Variants in LYPD6 observed in about 807,000 individuals in gnomAD.
LYPD6 encodes ly6/PLAUR domain-containing protein 6.
A neutral mutation model predicts 22.7 loss-of-function variants in LYPD6; 15 were observed. The ratio of observed to expected loss-of-function variants is 0.66; its 90% CI spans 0.44 to 1.02. LYPD6 has a LOEUF of 1.02. LYPD6 is among the 50% of genes least tolerant of loss of function. The pLI, the probability that LYPD6 is intolerant of heterozygous loss-of-function variation, is 0.00. For missense variants in LYPD6, 189 were observed against 208.4 expected (o/e 0.91, Z 0.57); for synonymous variants, 72 against 77.5 (o/e 0.93, Z 0.37).
chr2:149,362,184 G>A (rs1681583231), intron 1 of LYPD6, among the ~76,000 whole-genome samples: 1 of 152,126 alleles, frequency 6.6e-6, no homozygotes, highest in African/African-American at 2.4e-5. Context: ...GTGGTAATTT[G>A]TTACAGCAGC....
chr2:149,341,190 C>T (rs1405573), intron 1 of LYPD6, among the ~76,000 whole-genome samples: 46,623 of 151,858 alleles, frequency 0.31, 7,371 homozygotes, highest in Middle Eastern at 0.4. Context: ...AAGAACTACC[C>T]GAGTGAATTC....
the LYPD6 span, among the ~76,000 whole-genome samples, chr2:149,481,822 T>C: frequency 2.0e-5 from 3 of 152,258 alleles, no homozygotes; most frequent in Non-Finnish European, 4.4e-5. Flanking sequence ...AAAAAAATTT[T>C]CCAATTTTAT....
intron 1 of LYPD6, among the ~76,000 whole-genome samples, chr2:149,423,069 T>C (rs1683114512): frequency 1.3e-5 from 2 of 152,144 alleles, no homozygotes; most frequent in South Asian, 4.1e-4. Flanking sequence ...GATCCTGAGC[T>C]GGGTTGGCAG....
chr2:149,480,564 CTG>C, the LYPD6 span, among the ~76,000 whole-genome samples: 4 of 152,238 alleles, frequency 2.6e-5, no homozygotes, highest in East Asian at 5.8e-4. Flanking sequence ...GTTTGTCTTC[CTG>C]TGTGTGGGGG....
intron 1 of LYPD6, among the ~76,000 whole-genome samples, chr2:149,377,492 G>A (rs545382114): frequency 1.2e-4 from 18 of 152,118 alleles, no homozygotes; most frequent in Non-Finnish European, 2.4e-4. Context: ...GCATAAAAAA[G>A]CAAAGTGGCT....
At chr2:149,435,590 C>G (rs1000001449) in intron 1 of LYPD6, among the ~76,000 whole-genome samples, 1 of 152,182 alleles carries the variant, frequency 6.6e-6, no homozygotes, top group Non-Finnish European at 1.5e-5. Flanking sequence ...CTGTTGAATT[C>G]ATTCAAGATG....
intron 1 of LYPD6, among the ~76,000 whole-genome samples, chr2:149,417,434 C>T (rs1343054977): frequency 1.3e-5 from 2 of 152,132 alleles, no homozygotes; most frequent in African/African-American, 4.8e-5. Context: ...AAGAAACAGT[C>T]AGACCAGCAA....
chr2:149,456,553 T>C (rs1680962944), intron 3 of LYPD6, among the ~76,000 whole-genome samples: 1 of 152,182 alleles, frequency 6.6e-6, no homozygotes, highest in South Asian at 2.1e-4. Flanking sequence ...AAATAGTTTT[T>C]AGAGAGGTAA....
chr2:149,436,882 A>G (rs528669437), intron 1 of LYPD6, among the ~76,000 whole-genome samples: 1 of 151,998 alleles, frequency 6.6e-6, no homozygotes, highest in Middle Eastern at 3.4e-3. Context: ...CGCCCATCCA[A>G]TCCGTTTTTT....
intron 3 of LYPD6, among the ~76,000 whole-genome samples, chr2:149,458,548 A>G (rs963303425): frequency 2.0e-5 from 3 of 152,178 alleles, no homozygotes; most frequent in African/African-American, 7.2e-5. Context: ...AAAAAAAACC[A>G]CTTGTCATAC....
chr2:149,470,798 G>C lies in LYPD6; in HGVS notation c.464G>C (p.Cys155Ser), dbSNP rs1272180565. Residue 155 changes from cysteine to serine, a missense_variant, in exon 5 of 5, where the codon TGT becomes TCT. Cys to Ser is a moderately radical substitution (Grantham distance 112). Coordinates refer to ENST00000334166, the MANE Select transcript of LYPD6 (RefSeq NM_194317.5). ...PINQTNGHPR[C>S]MSVIVSCLWL... ...AATCAGACAAATGGGCACCCACGCT[G>C]TATGTCAGTGATAGTGTCCTGCTTG... The C allele has an allele frequency of 1.2e-6, 2 of 1,613,564 alleles. No individual in the cohort carries two copies. Among genetic ancestry groups the C allele is most frequent in the Non-Finnish European group, 1.7e-6 (2 of 1,179,796 alleles).
chr2:149,423,974 A>G (rs191551518), intron 1 of LYPD6, among the ~76,000 whole-genome samples: 176 of 137,200 alleles, frequency 1.3e-3, no homozygotes, highest in Admixed American at 2.6e-3. Context: ...TGCTGGTCCA[A>G]TCCAGCCCTG....
chr2:149,389,021 A>ATT (rs1220110618), intron 1 of LYPD6, among the ~76,000 whole-genome samples: 1 of 152,164 alleles, frequency 6.6e-6, no homozygotes, highest in Non-Finnish European at 1.5e-5. Context: ...TACTGTGGGC[A>ATT]TTGTCAGATC....
At chr2:149,394,521 A>ATTTTTGATAATAAAATTTGTT (rs1264314265) in intron 1 of LYPD6, among the ~76,000 whole-genome samples, 1 of 152,142 alleles carries the variant, frequency 6.6e-6, no homozygotes, top group Non-Finnish European at 1.5e-5. Flanking sequence ...TAATTTTAGT[A>ATTTTTGATAATAAAATTTGTT]TTTTTGATAA....
chr2:149,484,586 C>T, the LYPD6 span, among the ~76,000 whole-genome samples: 3 of 152,180 alleles, frequency 2.0e-5, no homozygotes, highest in African/African-American at 4.8e-5. Context: ...CCTTCAGAAC[C>T]TGGTGGATGC....
intron 1 of LYPD6, among the ~76,000 whole-genome samples, chr2:149,337,696 A>T (rs757292840): frequency 6.6e-6 from 1 of 152,150 alleles, no homozygotes; most frequent in African/African-American, 2.4e-5. Flanking sequence ...GGTAAATTGC[A>T]TGTCACAGGG....
At chr2:149,426,620 G>C (rs1466040418) in intron 1 of LYPD6, among the ~76,000 whole-genome samples, 1 of 152,200 alleles carries the variant, frequency 6.6e-6, no homozygotes, top group Non-Finnish European at 1.5e-5. Context: ...GGAAGAGTGA[G>C]TACTCTGTAC....
chr2:149,418,390 G>A (rs967972811), intron 1 of LYPD6, among the ~76,000 whole-genome samples: 1 of 152,188 alleles, frequency 6.6e-6, no homozygotes, highest in African/African-American at 2.4e-5. Context: ...TAGCAAGGAT[G>A]TTGCTCACGC....
At chr2:149,450,606 A>G (rs1683783755) in intron 3 of LYPD6, among the ~76,000 whole-genome samples, 1 of 152,248 alleles carries the variant, frequency 6.6e-6, no homozygotes, top group South Asian at 2.1e-4. Context: ...CAGCCGTCTG[A>G]GTAATCGAAA....
Sources: gnomAD v4.1 joint callset for allele counts (sites outside exome capture counted in the v4.1 genomes callset) on GRCh38, gnomAD v4.1.1 for gene constraint, MANE v1.5 for transcripts, NCBI Gene and HGNC (gene_info 2026-07-23, HGNC 2026-07-21) for gene names.